The following CXCL13 variants were observed in gnomAD, a reference collection of about 807,000 sequenced individuals.
CXCL13 encodes C-X-C motif chemokine 13.
In CXCL13, 7 loss-of-function variants were observed where a neutral mutation model predicts 12.2. That is an observed-to-expected ratio of 0.57 (90% confidence interval 0.33 to 1.07). The LOEUF is 1.07. Among genes scored for constraint, CXCL13 ranks in the 50% least tolerant of loss-of-function variants. CXCL13 has a pLI of 0.04. For synonymous variants in CXCL13, 47 were observed against 42.4 expected (o/e 1.11, Z -0.42); for missense variants, 113 against 127.4 (o/e 0.89, Z 0.55).
chr4:77,566,720 C>T (rs1560528152), intron 1 of CXCL13, among the ~76,000 whole-genome samples: 1 of 152,132 alleles, frequency 6.6e-6, no homozygotes, highest in Non-Finnish European at 1.5e-5. Context: ...AGTGCATTTC[C>T]TTGGCCCTTT....
At chr4:77,587,313 A>G (rs939756097) in intron 1 of CXCL13, among the ~76,000 whole-genome samples, 1 of 152,200 alleles carries the variant, frequency 6.6e-6, no homozygotes, top group Non-Finnish European at 1.5e-5. Context: ...TTCAGTCAGC[A>G]GAGGAGCCAG....
chr4:77,609,492 T>C (rs2109839204), intron 2 of CXCL13, among the ~76,000 whole-genome samples: 1 of 151,916 alleles, frequency 6.6e-6, no homozygotes, highest in East Asian at 1.9e-4. Context: ...TTTTTTATTA[T>C]TATTTCTGTA....
At chr4:77,571,733 G>A (rs1297716511) in intron 1 of CXCL13, among the ~76,000 whole-genome samples, 1 of 151,758 alleles carries the variant, frequency 6.6e-6, no homozygotes, top group South Asian at 2.1e-4. Flanking sequence ...AGCCAGCAGT[G>A]GCAACCCGCT....
chr4:77,532,651 G>C (rs1724957426), intron 1 of CXCL13, among the ~76,000 whole-genome samples: 1 of 152,128 alleles, frequency 6.6e-6, no homozygotes, highest in Non-Finnish European at 1.5e-5. Flanking sequence ...TTTCCAACTT[G>C]GTTCCATTCT....
intron 1 of CXCL13, among the ~76,000 whole-genome samples, chr4:77,582,926 G>A (rs1161195548): frequency 6.6e-6 from 1 of 152,086 alleles, no homozygotes; most frequent in African/African-American, 2.4e-5. Flanking sequence ...AAAATTTCAA[G>A]GCTTTCCTCC....
intron 1 of CXCL13, among the ~76,000 whole-genome samples, chr4:77,557,405 A>C (rs1354878338): frequency 6.6e-6 from 1 of 152,198 alleles, no homozygotes; most frequent in Non-Finnish European, 1.5e-5. Context: ...TGGAAACTGG[A>C]CAATGGATCA....
At chr4:77,527,689 C>G (rs552705458) in intron 1 of CXCL13, among the ~76,000 whole-genome samples, 54 of 152,138 alleles carry the variant, frequency 3.5e-4, no homozygotes, top group Non-Finnish European at 5.7e-4. Flanking sequence ...GAATGACATT[C>G]AAGTGAACGT....
chr4:77,544,755 A>C (rs1423349065), intron 1 of CXCL13, among the ~76,000 whole-genome samples: 1 of 151,942 alleles, frequency 6.6e-6, no homozygotes, highest in Non-Finnish European at 1.5e-5. Context: ...GTTTAATTAG[A>C]TCTCATTTGT....
intron 1 of CXCL13, among the ~76,000 whole-genome samples, chr4:77,576,609 C>T (rs761456481): frequency 6.6e-6 from 1 of 152,112 alleles, no homozygotes; most frequent in Non-Finnish European, 1.5e-5. Context: ...CCAGGAGCTC[C>T]AGGTTTATCT....
intron 1 of CXCL13, among the ~76,000 whole-genome samples, chr4:77,556,471 G>GCCTA (rs1725661526): frequency 6.6e-6 from 1 of 152,102 alleles, no homozygotes; most frequent in Non-Finnish European, 1.5e-5. Flanking sequence ...CAATAAAGAG[G>GCCTA]CCTAAAAGAA....
Position 77,524,607 on chromosome 4 carries a change from A to G in CXCL13, c.-43+12819A>G, listed in dbSNP as rs115734257. Among the ~76,000 whole-genome samples the G allele has an allele frequency of 7.6e-3, 1,154 of 152,224 alleles. 14 individuals are homozygous for G. The highest frequency in any genetic ancestry group is 0.025 in the African/African-American group (1,042 of 41,556). Reference sequence around the variant, plus strand: ...AGTATTTGGGCTGGAGTGTCCTGTTATTCCAGGTACAGTCTGTTGCAGCTT... The same window carrying G: ...AGTATTTGGGCTGGAGTGTCCTGTTGTTCCAGGTACAGTCTGTTGCAGCTT... On this transcript the variant is annotated intron_variant, in intron 1 of 4. Transcript: ENST00000286758.
chr4:77,516,360 T>C (rs1724419955), intron 1 of CXCL13, among the ~76,000 whole-genome samples: 1 of 152,254 alleles, frequency 6.6e-6, no homozygotes. Flanking sequence ...TTCTATTGAT[T>C]GGAATAGTTT....
At chr4:77,602,551 G>A (rs1726902990), upstream of CXCL13, among the ~76,000 whole-genome samples, 1 of 151,990 alleles carries the variant, frequency 6.6e-6, no homozygotes, top group Non-Finnish European at 1.5e-5. Flanking sequence ...AATGATGCCA[G>A]TCCTTGGATC....
chr4:77,546,345 C>T (rs942695371), intron 1 of CXCL13, among the ~76,000 whole-genome samples: 2 of 152,170 alleles, frequency 1.3e-5, no homozygotes, highest in Non-Finnish European at 2.9e-5. Flanking sequence ...CTTTGTACCT[C>T]TGGTAGAATT....
intron 1 of CXCL13, among the ~76,000 whole-genome samples, chr4:77,524,192 C>A (rs1002382448): frequency 6.6e-6 from 1 of 152,182 alleles, no homozygotes; most frequent in Non-Finnish European, 1.5e-5. Flanking sequence ...GGTTCAGGGA[C>A]CCACTTGAGG....
chr4:77,555,424 A>C (rs1045555012), intron 1 of CXCL13, among the ~76,000 whole-genome samples: 1 of 152,086 alleles, frequency 6.6e-6, no homozygotes, highest in Non-Finnish European at 1.5e-5. Flanking sequence ...TAAAAGTAGA[A>C]AAGATTTTTC....
At chr4:77,512,054 T>C (rs1266687330) in intron 1 of CXCL13, among the ~76,000 whole-genome samples, 3 of 152,186 alleles carry the variant, frequency 2.0e-5, no homozygotes, top group Non-Finnish European at 4.4e-5. Context: ...GTATAGTCTG[T>C]TCAGAGGACT....
intron 1 of CXCL13, among the ~76,000 whole-genome samples, chr4:77,529,915 T>C (rs1046809150): frequency 6.6e-6 from 1 of 152,232 alleles, no homozygotes; most frequent in Non-Finnish European, 1.5e-5. Context: ...TGTGAGTTTG[T>C]CATAAATAGC....
chr4:77,572,810 A>C (rs2109819912), intron 1 of CXCL13, among the ~76,000 whole-genome samples: 1 of 152,096 alleles, frequency 6.6e-6, no homozygotes, highest in Admixed American at 6.5e-5. Context: ...CACTATTCAC[A>C]ATAGCAAAGG....
Sources: allele counts gnomAD v4.1 joint callset (sites outside exome capture counted in the v4.1 genomes callset), GRCh38; gene constraint gnomAD v4.1.1; transcripts MANE v1.5; gene names NCBI Gene and HGNC (gene_info 2026-07-23, HGNC 2026-07-21).